The following BRAF variants were observed in gnomAD, a reference collection of about 807,000 sequenced individuals.
BRAF encodes serine/threonine-protein kinase B-raf.
Under a neutral mutation model 104.6 loss-of-function variants are expected in BRAF, and 16 were observed. That is an observed-to-expected ratio of 0.15 (90% confidence interval 0.10 to 0.23). The LOEUF (loss-of-function observed/expected upper bound fraction) is 0.23. Among genes scored for constraint, BRAF ranks in the 10% least tolerant of loss-of-function variants. The probability of loss-of-function intolerance (pLI) is 1.00; values close to 1 mark genes in which losing one functional copy is unlikely to be tolerated. For synonymous variants in BRAF, 310 were observed against 341.6 expected, an observed-to-expected ratio of 0.91 and a Z score of 1.02; for missense variants, 541 against 937.3, an observed-to-expected ratio of 0.58 and a Z score of 5.52.
intron 2 of BRAF, chr7:140,836,229 A>G (rs1214168092): frequency 6.6e-6 from 1 of 152,222 alleles, no homozygotes; most frequent in Non-Finnish European, 1.5e-5. Flanking sequence ...TGAAATTTAA[A>G]TGAAGCTTTA....
At chr7:140,907,973 G>C (rs1392525920) in intron 1 of BRAF, among the ~76,000 whole-genome samples, 1 of 151,416 alleles carries the variant, frequency 6.6e-6, no homozygotes, top group Non-Finnish European at 1.5e-5. Flanking sequence ...TTGAACTCCT[G>C]ACCTCAGGTG....
chr7:140,722,474 G>C lies in BRAF; in HGVS notation c.*4020C>G. The C allele has an allele frequency of 9.5e-7, 1 of 1,055,422 alleles. No homozygotes were observed. Among genetic ancestry groups the C allele is most frequent in the Non-Finnish European group, 1.1e-6 (1 of 873,108 alleles). 65.4% of individuals were successfully genotyped at this position (1,055,422 alleles called of 1,614,324 possible). A position where few individuals can be genotyped will look rare whatever the true frequency, so the allele number is the denominator to read the frequency against. The stretch of plus-strand genomic sequence containing the variant: ...CAAATTGTCAAGGTATTTTTCTAGA[G>C]CCTCACCTACACCATTTCAACTCAT... On this transcript the variant is annotated 3_prime_UTR_variant, in exon 20 of 20. Transcript: ENST00000644969.
intron 19 of BRAF, chr7:140,733,366 T>G (rs1186525058): frequency 6.6e-6 from 1 of 152,150 alleles, no homozygotes; most frequent in Non-Finnish European, 1.5e-5. Flanking sequence ...AAAACCAAAT[T>G]GAGTAAGTGA....
At chr7:140,798,078 C>T (rs770855824) in intron 7 of BRAF, among the ~76,000 whole-genome samples, 7 of 152,012 alleles carry the variant, frequency 4.6e-5, no homozygotes, top group Non-Finnish European at 4.4e-5. Flanking sequence ...GAAAGGTTGG[C>T]TTTGTAAAAA....
At chr7:140,773,240 C>G (rs937545115) in intron 14 of BRAF, 2 of 152,292 alleles carry the variant, frequency 1.3e-5, no homozygotes, top group Non-Finnish European at 2.9e-5. Flanking sequence ...CAGCGATACT[C>G]TTACTTAGAC....
chr7:140,920,528 G>A (rs1044998400), intron 1 of BRAF, among the ~76,000 whole-genome samples: 1 of 152,136 alleles, frequency 6.6e-6, no homozygotes, highest in Non-Finnish European at 1.5e-5. Context: ...AGAAAAGTCA[G>A]ACTGTTCTAG....
intron 1 of BRAF, among the ~76,000 whole-genome samples, chr7:140,867,913 T>C (rs538767129): frequency 1.3e-5 from 2 of 152,236 alleles, no homozygotes; most frequent in East Asian, 1.9e-4. Flanking sequence ...CCTTGTAATG[T>C]AGTATTAGCA....
Position 140,722,974 on chromosome 7 carries a change from A to G in BRAF, c.*3520T>C, listed in dbSNP as rs1386417217. Reference sequence around the variant, plus strand: ...TAGGACAAAATGAGAGTGCTCAAATACAAGTACACAAAAAAGTTAAAATCT... The same window carrying G: ...TAGGACAAAATGAGAGTGCTCAAATGCAAGTACACAAAAAAGTTAAAATCT... On this transcript the variant is annotated 3_prime_UTR_variant, in exon 20 of 20. Transcript: ENST00000644969. 9.5e-7 allele frequency: 1 copy of G among 1,054,370 alleles called. No individual in the cohort carries two copies. Among genetic ancestry groups the G allele is most frequent in the East Asian group, 5.4e-5 (1 of 18,662 alleles). The allele number at this position is 1,054,370 out of a possible 1,614,324, so 65.3% of individuals were successfully genotyped here.
chr7:140,804,283 C>A (rs1803429356), intron 5 of BRAF, among the ~76,000 whole-genome samples: 1 of 152,160 alleles, frequency 6.6e-6, no homozygotes, highest in Non-Finnish European at 1.5e-5. Flanking sequence ...CGGCTCACTA[C>A]AACCTCCACC....
At chr7:140,918,991 T>C (rs1817918200) in intron 1 of BRAF, among the ~76,000 whole-genome samples, 1 of 151,608 alleles carries the variant, frequency 6.6e-6, no homozygotes, top group South Asian at 2.1e-4. Flanking sequence ...TACAAAAAAT[T>C]AGCTGGGCGT....
chr7:140,828,560 C>T (rs961390659), intron 3 of BRAF, among the ~76,000 whole-genome samples: 1 of 152,150 alleles, frequency 6.6e-6, no homozygotes, highest in African/African-American at 2.4e-5. Context: ...TTTCCAACAG[C>T]TTTCCTTTTC....
chr7:140,896,983 T>C (rs1814993979), intron 1 of BRAF, among the ~76,000 whole-genome samples: 1 of 151,556 alleles, frequency 6.6e-6, no homozygotes. Flanking sequence ...TATATGTCCC[T>C]ACATTAACAT....
At chr7:140,773,538 A>C (rs1267637) in intron 14 of BRAF, 45,835 of 152,070 alleles carry the variant, frequency 0.3, 10,994 homozygotes, top group African/African-American at 0.67. Context: ...GGAAAGATAT[A>C]CATGTCCTAG....
intron 1 of BRAF, among the ~76,000 whole-genome samples, chr7:140,919,607 T>C (rs1273193218): frequency 2.0e-5 from 3 of 152,122 alleles, no homozygotes; most frequent in Non-Finnish European, 1.5e-5. Flanking sequence ...GTTAGTGATT[T>C]AGGCTGGAAA....
rs1174457722 is a variant in BRAF, at chr7:140,834,090, C to A, written c.504+519G>T. On this transcript the variant is annotated intron_variant, in intron 3 of 19. Transcript: ENST00000644969. ...ATTCGTTGCACTTAAGGATTATAGA[C>A]CACCCACAATAATTCCACAGATTTC... 4 of 165,962 alleles carry A rather than the reference C, an allele frequency of 2.4e-5. No homozygotes were observed. The East Asian group carries it at 6.5e-4, about 27-fold the overall frequency. 10.3% of individuals were successfully genotyped at this position (165,962 alleles called of 1,614,324 possible).
intron 3 of BRAF, among the ~76,000 whole-genome samples, chr7:140,818,427 C>A (rs1486855356): frequency 6.6e-6 from 1 of 151,958 alleles, no homozygotes; most frequent in Non-Finnish European, 1.5e-5. Context: ...ATTCTCCCGC[C>A]TCAGCCTCCC....
At chr7:140,770,629 T>TG (rs903509618) in intron 14 of BRAF, among the ~76,000 whole-genome samples, 2 of 151,184 alleles carry the variant, frequency 1.3e-5, no homozygotes, top group African/African-American at 4.9e-5. Context: ...AATCAATGAC[T>TG]GGCAGGTGAA....
At chr7:140,734,179 C>T (rs1291134668) in intron 19 of BRAF, 1 of 1,085,724 alleles carries the variant, frequency 9.2e-7, no homozygotes, top group Non-Finnish European at 1.1e-6. Flanking sequence ...CTTATCTAAC[C>T]CAGGCTAACC....
chr7:140,776,161 A>G (rs915509498), intron 14 of BRAF, among the ~76,000 whole-genome samples: 12 of 152,190 alleles, frequency 7.9e-5, no homozygotes, highest in Non-Finnish European at 1.6e-4. Context: ...ATAAAGATTA[A>G]ATGACATAAT....
Sources: gnomAD v4.1 joint callset for allele counts (sites outside exome capture counted in the v4.1 genomes callset) on GRCh38, gnomAD v4.1.1 for gene constraint, MANE v1.5 for transcripts, NCBI Gene and HGNC (gene_info 2026-07-23, HGNC 2026-07-21) for gene names.